Variants in PDE4D observed in about 807,000 individuals in gnomAD.
PDE4D encodes the protein 3',5'-cyclic-AMP phosphodiesterase 4D.
Under a neutral mutation model 87.4 loss-of-function variants are expected in PDE4D, and 24 were observed. The observed-to-expected ratio is 0.27, with a 90% CI of 0.20 to 0.39. PDE4D has a LOEUF of 0.39. Among genes scored for constraint, PDE4D ranks in the 10% least tolerant of loss-of-function variants. The probability of loss-of-function intolerance (pLI) is 1.00; values close to 1 mark genes in which losing one functional copy is unlikely to be tolerated. For synonymous variants in PDE4D, 384 were observed against 383.2 expected (o/e 1.00, Z -0.02); for missense variants, 714 against 1,041.0 (o/e 0.69, Z 4.32).
At chr5:60,071,745 C>T (rs997835735) in intron 2 of PDE4D, among the ~76,000 whole-genome samples, 2 of 152,084 alleles carry the variant, frequency 1.3e-5, no homozygotes, top group African/African-American at 4.8e-5. Flanking sequence ...CATTTAGCTC[C>T]CACTTATAAG....
rs536302712 is a variant in PDE4D at position 59,792,149 on chromosome 5, G to C, written c.455+101019C>G. On this transcript the variant is annotated intron_variant, in intron 1 of 14. Coordinates refer to ENST00000340635, the MANE Select transcript of PDE4D (RefSeq NM_001104631.2). ...TCCATGAGTAGTAAGGGTATAAAGGGCTTCCCTGGGGAGGAAACGTGGCAC... is the reference window on the plus strand; with the variant it reads ...TCCATGAGTAGTAAGGGTATAAAGGCCTTCCCTGGGGAGGAAACGTGGCAC... Among the ~76,000 whole-genome samples, 6 of 152,222 alleles carry C rather than the reference G, an allele frequency of 3.9e-5. No individual in the cohort carries two copies. In the South Asian group the frequency reaches 1.2e-3, roughly 32 times the overall value.
At chr5:59,394,619 A>C (rs1788963780) in intron 1 of PDE4D, among the ~76,000 whole-genome samples, 1 of 151,908 alleles carries the variant, frequency 6.6e-6, no homozygotes, top group African/African-American at 2.4e-5. Flanking sequence ...CTTTATTACT[A>C]TTGGTGAAAA....
chr5:59,235,162 A>G (rs1254552834), intron 1 of PDE4D, among the ~76,000 whole-genome samples: 1 of 152,192 alleles, frequency 6.6e-6, no homozygotes, highest in Non-Finnish European at 1.5e-5. Context: ...TAATCCCACG[A>G]AAGTATGTGG....
At chr5:60,357,522 T>A (rs1210188040) in intron 1 of PDE4D, among the ~76,000 whole-genome samples, 1 of 152,202 alleles carries the variant, frequency 6.6e-6, no homozygotes, top group Non-Finnish European at 1.5e-5. Context: ...TATCTTATCC[T>A]GGGACTAGAG....
chr5:59,849,551 T>C (rs1261269118), intron 1 of PDE4D, among the ~76,000 whole-genome samples: 1 of 151,970 alleles, frequency 6.6e-6, no homozygotes. Context: ...ATATGTTTTA[T>C]TGACTTGTTT....
chr5:60,062,942 G>A (rs1189541089), intron 2 of PDE4D, among the ~76,000 whole-genome samples: 2 of 151,938 alleles, frequency 1.3e-5, no homozygotes, highest in Admixed American at 6.6e-5. Context: ...GGGAGGGAGA[G>A]CATCAAGACA....
At chr5:58,998,388 T>A (rs1749705466) in intron 6 of PDE4D, among the ~76,000 whole-genome samples, 1 of 152,150 alleles carries the variant, frequency 6.6e-6, no homozygotes, top group Non-Finnish European at 1.5e-5. Flanking sequence ...TTCTGGCGGA[T>A]AATGAGGGCT....
chr5:60,257,031 T>C (rs544904853), intron 1 of PDE4D, among the ~76,000 whole-genome samples: 1 of 151,942 alleles, frequency 6.6e-6, no homozygotes, highest in Admixed American at 6.6e-5. Flanking sequence ...AAACATCAAG[T>C]TGTACACTTT....
chr5:60,128,812 A>G (rs1400638530), intron 2 of PDE4D, among the ~76,000 whole-genome samples: 1 of 152,232 alleles, frequency 6.6e-6, no homozygotes, highest in Non-Finnish European at 1.5e-5. Flanking sequence ...CTAGTGAACC[A>G]TATTTCTATG....
intron 1 of PDE4D, among the ~76,000 whole-genome samples, chr5:60,235,564 A>C (rs552916043): frequency 6.6e-6 from 1 of 151,868 alleles, no homozygotes; most frequent in East Asian, 1.9e-4. Flanking sequence ...TAAACTCAAC[A>C]ATGAGAAGCA....
chr5:59,530,117 G>A (rs1583002628), intron 1 of PDE4D, among the ~76,000 whole-genome samples: 1 of 152,296 alleles, frequency 6.6e-6, no homozygotes, highest in East Asian at 1.9e-4. Context: ...AGCAAGGTAA[G>A]GCGTATTTCC....
At chr5:59,507,509 A>C (rs1009898451) in intron 1 of PDE4D, among the ~76,000 whole-genome samples, 2 of 151,696 alleles carry the variant, frequency 1.3e-5, no homozygotes, top group Admixed American at 1.3e-4. Flanking sequence ...AAAAAAATAA[A>C]ATAAAATTAG....
At chr5:60,022,992 C>G (rs953766011) in intron 2 of PDE4D, among the ~76,000 whole-genome samples, 6 of 152,130 alleles carry the variant, frequency 3.9e-5, no homozygotes, top group African/African-American at 1.2e-4. Context: ...GTCACCAGCT[C>G]GGGACATTAA....
chr5:60,212,392 T>C (rs1246407388), intron 1 of PDE4D, among the ~76,000 whole-genome samples: 10 of 152,144 alleles, frequency 6.6e-5, no homozygotes, highest in African/African-American at 2.4e-4. Flanking sequence ...ATTTAGCCAA[T>C]TGGAGCACTC....
chr5:59,929,947 T>C (rs1393052971), intron 3 of PDE4D, among the ~76,000 whole-genome samples: 3 of 152,150 alleles, frequency 2.0e-5, no homozygotes, highest in African/African-American at 7.2e-5. Flanking sequence ...CATGCAAATA[T>C]AATCTTCATG....
chr5:59,707,793 TC>T (rs1326268849), intron 1 of PDE4D, among the ~76,000 whole-genome samples: 1 of 152,118 alleles, frequency 6.6e-6, no homozygotes, highest in Non-Finnish European at 1.5e-5. Flanking sequence ...ATTATCTCAT[TC>T]CTTTTTATGG....
At position 59,172,035 on chromosome 5, in the gene PDE4D, ATTATAT is replaced by A. The variant is rs1561622654; in HGVS notation, c.808+8554_808+8559del. The stretch of plus-strand genomic sequence containing the variant: ...TATATTATATATATAATAAATATAT[ATTATAT>A]ATATAATATATATATATTATATATA... On this transcript the variant is annotated intron_variant, in intron 5 of 14. Coordinates refer to ENST00000340635, the MANE Select transcript of PDE4D (RefSeq NM_001104631.2). 8.6e-4 allele frequency among the ~76,000 whole-genome samples: 7 copies of A among 8,158 alleles called. 2 individuals are homozygous for A. Among genetic ancestry groups the A allele is most frequent in the African/African-American group, 1.9e-3 (2 of 1,076 alleles). 5.4% of individuals were successfully genotyped at this position (8,158 alleles called of 152,430 possible).
intron 3 of PDE4D, among the ~76,000 whole-genome samples, chr5:59,910,859 G>C (rs990786627): frequency 2.0e-5 from 3 of 152,180 alleles, no homozygotes; most frequent in Non-Finnish European, 4.4e-5. Context: ...TTGGGGTAGG[G>C]TTAGGATCCA....
chr5:59,330,675 T>C (rs920221762), intron 1 of PDE4D, among the ~76,000 whole-genome samples: 2 of 152,188 alleles, frequency 1.3e-5, no homozygotes, highest in African/African-American at 4.8e-5. Flanking sequence ...GAAAATAATG[T>C]CTTTTAGTTT....
Sources: gnomAD v4.1 joint callset for allele counts (sites outside exome capture counted in the v4.1 genomes callset) on GRCh38, gnomAD v4.1.1 for gene constraint, MANE v1.5 for transcripts, NCBI Gene and HGNC (gene_info 2026-07-23, HGNC 2026-07-21) for gene names.